AGBL4: variants seen among roughly 807,000 people sequenced by gnomAD.
The protein encoded by AGBL4 is cytosolic carboxypeptidase 6.
AGBL4 carries 58 observed loss-of-function variants against 66.4 expected under a neutral mutation model. That is an observed-to-expected ratio of 0.87 (90% CI 0.71 to 1.09). The LOEUF is 1.09. AGBL4 is among the 50% of genes least tolerant of loss of function. The pLI is 0.00. For synonymous variants in AGBL4, 234 were observed against 222.9 expected, an observed-to-expected ratio of 1.05 and a Z score of -0.44; for missense variants, 579 against 631.0, an observed-to-expected ratio of 0.92 and a Z score of 0.88.
chr1:49,252,782 AC>A (rs1652176391), intron 3 of AGBL4, among the ~76,000 whole-genome samples: 1 of 152,212 alleles, frequency 6.6e-6, no homozygotes, highest in Admixed American at 6.5e-5. Context: ...AGAAATTTCA[AC>A]CCAGAGTTTC....
chr1:49,384,932 A>T (rs1332713668), intron 3 of AGBL4, among the ~76,000 whole-genome samples: 1 of 152,234 alleles, frequency 6.6e-6, no homozygotes, highest in Non-Finnish European at 1.5e-5. Context: ...ATTATTCATA[A>T]TAGGCAACAT....
chr1:49,764,508 C>A lies in AGBL4; in HGVS notation c.158-67071G>T, dbSNP rs563898651. On this transcript the variant is annotated intron_variant, in intron 2 of 13. Transcript: ENST00000371839. The stretch of plus-strand genomic sequence containing the variant: ...CTCCTGATCACAGCCAGCACCTCAA[C>A]TTTGGGCTGGCCTGACCACAGTCCA... Among the ~76,000 whole-genome samples the A allele has an allele frequency of 2.2e-3, 341 of 152,212 alleles. 4 individuals are homozygous for A. The highest frequency in any genetic ancestry group is 7.9e-3 in the African/African-American group (328 of 41,538).
intron 4 of AGBL4, among the ~76,000 whole-genome samples, chr1:49,159,067 A>C (rs2148135947): frequency 6.6e-6 from 1 of 151,096 alleles, no homozygotes; most frequent in African/African-American, 2.4e-5. Context: ...ATTTCCATTT[A>C]AGTTAATATT....
chr1:49,619,834 G>C (rs971476341), intron 3 of AGBL4, among the ~76,000 whole-genome samples: 2 of 152,134 alleles, frequency 1.3e-5, no homozygotes, highest in African/African-American at 2.4e-5. Flanking sequence ...ACAACCATCT[G>C]ATCTGCGACA....
intron 3 of AGBL4, among the ~76,000 whole-genome samples, chr1:49,251,054 G>A (rs933188941): frequency 6.6e-6 from 1 of 152,082 alleles, no homozygotes; most frequent in Non-Finnish European, 1.5e-5. Flanking sequence ...GATGGGGCTG[G>A]TCCAATATGA....
intron 5 of AGBL4, among the ~76,000 whole-genome samples, chr1:48,875,905 G>A (rs936874069): frequency 1.3e-5 from 2 of 152,258 alleles, no homozygotes. Context: ...TGCCTCTGAA[G>A]CCTACGCTCC....
At chr1:48,859,748 C>T (rs185539993) in intron 6 of AGBL4, among the ~76,000 whole-genome samples, 2 of 152,300 alleles carry the variant, frequency 1.3e-5, no homozygotes, top group East Asian at 3.9e-4. Flanking sequence ...TTCAGTGTCA[C>T]AACTAGTGAA....
At position 50,023,773 on chromosome 1, in the gene AGBL4, C is replaced by T; in HGVS notation, c.24G>A (p.Ala8=). 6.5e-7 allele frequency: 1 copy of T among 1,549,450 alleles called. No homozygotes were observed. Among genetic ancestry groups the T allele is most frequent in the Non-Finnish European group, 8.7e-7 (1 of 1,146,064 alleles). The change falls in exon 1 of 14, where the codon GCG becomes GCA. Residue 8 remains alanine (A), a synonymous_variant. Coordinates refer to ENST00000371839, the MANE Select transcript of AGBL4 (RefSeq NM_032785.4). The part of the protein sequence containing the change: MAEGSQS[A]PEAGNDMGND... ...GCCGCCCCCACAGACCTGCCTCAGG[C>T]GCCGACTGGCTCCCCTCCGCCATTT...
In AGBL4 at chr1:49,767,208, T is replaced by C. The variant is rs1375116975; in HGVS notation, c.158-69771A>G. On this transcript the variant is annotated intron_variant, in intron 2 of 13. Transcript: ENST00000371839. The stretch of plus-strand genomic sequence containing the variant: ...CTAAGATCAACCACATACTTGGGCA[T>C]AAAACAAGTCTCAATAAATTAAAAA... 2.6e-5 allele frequency among the ~76,000 whole-genome samples: 4 copies of C among 151,960 alleles called. No individual in the cohort carries two copies. In the East Asian group the frequency reaches 5.8e-4, roughly 22 times the overall value.
intron 3 of AGBL4, among the ~76,000 whole-genome samples, chr1:49,403,905 CTCTG>C (rs759308246): frequency 3.3e-5 from 5 of 152,196 alleles, no homozygotes; most frequent in Admixed American, 6.5e-5. Flanking sequence ...CATGCTTTCT[CTCTG>C]TCTTCTGATA....
At chr1:48,730,061 A>G (rs1406835874) in intron 6 of AGBL4, among the ~76,000 whole-genome samples, 2 of 152,164 alleles carry the variant, frequency 1.3e-5, no homozygotes, top group Admixed American at 6.5e-5. Context: ...AGCTTTCTTG[A>G]AACCTAGTAT....
intron 4 of AGBL4, among the ~76,000 whole-genome samples, chr1:49,053,903 A>G (rs1234066715): frequency 6.6e-6 from 1 of 152,192 alleles, no homozygotes; most frequent in East Asian, 1.9e-4. Flanking sequence ...GAAGACACAA[A>G]TCTGCTGAAG....
At chr1:49,254,153 T>C (rs1570228534) in intron 3 of AGBL4, among the ~76,000 whole-genome samples, 1 of 151,908 alleles carries the variant, frequency 6.6e-6, no homozygotes, top group Non-Finnish European at 1.5e-5. Flanking sequence ...CATAGTATTG[T>C]AAAACCTGGC....
At chr1:49,670,950 T>G (rs1646463478) in intron 3 of AGBL4, among the ~76,000 whole-genome samples, 1 of 152,196 alleles carries the variant, frequency 6.6e-6, no homozygotes, top group Admixed American at 6.6e-5. Context: ...TCTATCAAAC[T>G]ACCAATGGCA....
chr1:49,633,525 T>C (rs1438445052), intron 3 of AGBL4, among the ~76,000 whole-genome samples: 3 of 152,262 alleles, frequency 2.0e-5, no homozygotes, highest in Non-Finnish European at 4.4e-5. Flanking sequence ...ATTAAATGTG[T>C]GTGCCTGTAA....
chr1:49,365,432 A>G, intron 3 of AGBL4, among the ~76,000 whole-genome samples: 1 of 151,902 alleles, frequency 6.6e-6, no homozygotes, highest in East Asian at 1.9e-4. Flanking sequence ...TAAAGAACCC[A>G]TTATAATACC....
intron 4 of AGBL4, among the ~76,000 whole-genome samples, chr1:49,192,220 A>AT (rs774910491): frequency 9.2e-5 from 14 of 152,144 alleles, no homozygotes; most frequent in Admixed American, 3.9e-4. Context: ...GATGTTGAGT[A>AT]TTTTTTATAA....
chr1:49,729,166 A>C (rs1439450400), intron 2 of AGBL4, among the ~76,000 whole-genome samples: 1 of 152,242 alleles, frequency 6.6e-6, no homozygotes, highest in African/African-American at 2.4e-5. Flanking sequence ...TTTTTCAAAA[A>C]GAGAATTACA....
intron 6 of AGBL4, among the ~76,000 whole-genome samples, chr1:48,824,000 T>C (rs561741792): frequency 2.4e-4 from 36 of 152,202 alleles, no homozygotes; most frequent in Non-Finnish European, 4.4e-4. Context: ...TATGTGCACA[T>C]GTCATTAGGA....
Sources: gnomAD v4.1 joint callset for allele counts (sites outside exome capture counted in the v4.1 genomes callset) on GRCh38, gnomAD v4.1.1 for gene constraint, MANE v1.5 for transcripts, NCBI Gene and HGNC (gene_info 2026-07-23, HGNC 2026-07-21) for gene names.